The following TCAP variants were observed in gnomAD, a reference collection of about 807,000 sequenced individuals.
The protein encoded by TCAP is telethonin.
A neutral mutation model predicts 16.6 loss-of-function variants in TCAP; 14 were observed. The observed-to-expected ratio is 0.84, with a 90% CI of 0.56 to 1.32. The LOEUF is 1.32. Among genes scored for constraint, TCAP ranks in the 40% most tolerant of loss-of-function variants. The pLI, the probability that TCAP is intolerant of heterozygous loss-of-function variation, is 0.00. For synonymous variants in TCAP, 97 were observed against 93.2 expected, an observed-to-expected ratio of 1.04 and a Z score of -0.23; for missense variants, 212 against 223.5, an observed-to-expected ratio of 0.95 and a Z score of 0.33.
In TCAP at chr17:39,666,217, G is replaced by T. The variant is rs1325844598; in HGVS notation, c.*108G>T. 2.7e-6 allele frequency: 4 copies of T among 1,464,402 alleles called. No individual in the cohort carries two copies. The East Asian group carries it at 9.5e-5, about 35-fold the overall frequency. The allele number at this position is 1,464,402 out of a possible 1,614,324, so 90.7% of individuals were successfully genotyped here. ...ATGGCTGCTTTGTAGTTTGCCCAGAGTTGGGGGCTAGGGGAGGGGGGAGCC... is the reference window on the plus strand; with the variant it reads ...ATGGCTGCTTTGTAGTTTGCCCAGATTTGGGGGCTAGGGGAGGGGGGAGCC... On this transcript the variant is annotated 3_prime_UTR_variant, in exon 2 of 2. Transcript: ENST00000309889.
chr17:39,666,283 G>C lies in TCAP; in HGVS notation c.*174G>C. On this transcript the variant is annotated 3_prime_UTR_variant, in exon 2 of 2. Transcript: ENST00000309889. ...TGAGCCCCCTGAGTTCCCAAAGGGAGGGTGGCAGAGACAGTGGGCACTAAG... is the reference window on the plus strand; with the variant it reads ...TGAGCCCCCTGAGTTCCCAAAGGGACGGTGGCAGAGACAGTGGGCACTAAG... The C allele has an allele frequency of 1.2e-6, 1 of 846,430 alleles. No individual in the cohort carries two copies. Among genetic ancestry groups the C allele is most frequent in the Non-Finnish European group, 1.9e-6 (1 of 534,622 alleles). The allele number at this position is 846,430 out of a possible 1,614,324, so 52.4% of individuals were successfully genotyped here.
Position 39,666,289 on chromosome 17 carries a change from C to A in TCAP, c.*180C>A. 1 of 802,110 alleles carries A rather than the reference C, an allele frequency of 1.2e-6. No individual in the cohort carries two copies. Among genetic ancestry groups the A allele is most frequent in the Non-Finnish European group, 2.0e-6 (1 of 495,996 alleles). The allele number at this position is 802,110 out of a possible 1,614,324, so 49.7% of individuals were successfully genotyped here. ...CCCTGAGTTCCCAAAGGGAGGGTGG[C>A]AGAGACAGTGGGCACTAAGGGTGGA... On this transcript the variant is annotated 3_prime_UTR_variant, in exon 2 of 2. Coordinates refer to ENST00000309889, the MANE Select transcript of TCAP (RefSeq NM_003673.4).
Position 39,666,258 on chromosome 17 carries a change from T to A in TCAP, c.*149T>A. 9.4e-7 allele frequency: 1 copy of A among 1,058,234 alleles called. No homozygotes were observed. Among genetic ancestry groups the A allele is most frequent in the Non-Finnish European group, 1.4e-6 (1 of 720,084 alleles). The allele number at this position is 1,058,234 out of a possible 1,614,324, so 65.6% of individuals were successfully genotyped here. On this transcript the variant is annotated 3_prime_UTR_variant, in exon 2 of 2. Coordinates refer to ENST00000309889, the MANE Select transcript of TCAP (RefSeq NM_003673.4). ...GGGGGGAGCCAGAGGCCAGGATGCCTGAGCCCCCTGAGTTCCCAAAGGGAG... is the reference window on the plus strand; with the variant it reads ...GGGGGGAGCCAGAGGCCAGGATGCCAGAGCCCCCTGAGTTCCCAAAGGGAG...
chr17:39,665,888 A>G lies in TCAP; in HGVS notation c.283A>G (p.Thr95Ala). The G allele has an allele frequency of 6.2e-7, 1 of 1,611,932 alleles. No individual in the cohort carries two copies. Among genetic ancestry groups the G allele is most frequent in the Non-Finnish European group, 8.5e-7 (1 of 1,179,700 alleles). Residue 95 changes from threonine to alanine, a missense_variant, in exon 2 of 2, where the codon ACC (threonine) becomes GCC (alanine). Coordinates refer to ENST00000309889, the MANE Select transcript of TCAP (RefSeq NM_003673.4). ...GCGGGTACTGCCGCTGCCCATCTTC[A>G]CCCCTGCCAAGATGGGCGCCACCAA... The part of the protein sequence containing the change: ...YQRVLPLPIF[T>A]PAKMGATKEE...
In TCAP at chr17:39,665,715, G is replaced by C; in HGVS notation, c.111-1G>C. The C allele has an allele frequency of 6.2e-7, 1 of 1,608,706 alleles. No individual in the cohort carries two copies. The highest frequency in any genetic ancestry group is 8.5e-7 in the Non-Finnish European group (1 of 1,178,396). On this transcript the variant is annotated splice_acceptor_variant, in intron 1 of 1. Coordinates refer to ENST00000309889, the MANE Select transcript of TCAP (RefSeq NM_003673.4). LOFTEE classifies it high-confidence loss of function. ...GCTCACTGCCCCTCCCCTCTCCCCAGCTGCTCCCTGCATGAGGAGGACACC... is the reference window on the plus strand; with the variant it reads ...GCTCACTGCCCCTCCCCTCTCCCCACCTGCTCCCTGCATGAGGAGGACACC...
intron 1 of TCAP, 66 bp from the exon 2 acceptor site, chr17:39,665,650 C>A: frequency 6.5e-7 from 1 of 1,544,402 alleles, no homozygotes; most frequent in East Asian, 2.3e-5. Flanking sequence ...CAGGGGAGCC[C>A]CCCACCCAGC....
rs1199366811 is a variant in TCAP at position 39,666,150 on chromosome 17, T to C, written c.*41T>C. 1 of 1,597,832 alleles carries C rather than the reference T, an allele frequency of 6.3e-7. No individual in the cohort carries two copies. Among genetic ancestry groups the C allele is most frequent in the Non-Finnish European group, 8.5e-7 (1 of 1,179,254 alleles). Reference sequence around the variant, plus strand: ...GGGCTCCGCTGTGCCCGCCCTGGGCTGGGCCCTTCCTGGCTAGGACTGTGG... The same window carrying C: ...GGGCTCCGCTGTGCCCGCCCTGGGCCGGGCCCTTCCTGGCTAGGACTGTGG... On this transcript the variant is annotated 3_prime_UTR_variant, in exon 2 of 2. Transcript: ENST00000309889.
chr17:39,665,722 C>T lies in TCAP; in HGVS notation c.117C>T (p.Ser39=), dbSNP rs759893644. 13 of 1,610,128 alleles carry T rather than the reference C, an allele frequency of 8.1e-6. No individual in the cohort carries two copies. Among genetic ancestry groups the T allele is most frequent in the Admixed American group, 3.3e-5 (2 of 59,712 alleles). The change falls in exon 2 of 2, where the codon TCC becomes TCT. Residue 39 remains serine, a synonymous_variant. Coordinates refer to ENST00000309889, the MANE Select transcript of TCAP (RefSeq NM_003673.4). ...GCCCCTCCCCTCTCCCCAGCTGCTC[C>T]CTGCATGAGGAGGACACCCAGAGAC... ...TLSTRPEEGC[S]LHEEDTQRHE...
Sources: allele counts gnomAD v4.1 joint callset, GRCh38; gene constraint gnomAD v4.1.1; transcripts MANE v1.5; gene names NCBI Gene and HGNC (gene_info 2026-07-23, HGNC 2026-07-21).